PREP: variants seen among roughly 807,000 people sequenced by gnomAD.
PREP encodes prolyl endopeptidase, also known as dJ355L5.1 (prolyl endopeptidase).
PREP carries 29 observed loss-of-function variants against 87.6 expected under a neutral mutation model. That is an observed-to-expected ratio of 0.33 (90% CI 0.25 to 0.45). PREP has a LOEUF of 0.45. PREP is among the 20% of genes least tolerant of loss of function. The pLI is 1.00. For missense variants in PREP, 695 were observed against 886.5 expected (o/e 0.78, Z 2.74); for synonymous variants, 337 against 328.6 (o/e 1.03, Z -0.28).
At chr6:105,367,214 A>T (rs1772408333) in intron 6 of PREP, among the ~76,000 whole-genome samples, 1 of 152,162 alleles carries the variant, frequency 6.6e-6, no homozygotes, top group Non-Finnish European at 1.5e-5. Context: ...AGATGAAGGT[A>T]AAAAATGTAC....
chr6:105,292,150 C>T (rs916612100), intron 10 of PREP, among the ~76,000 whole-genome samples: 3 of 152,282 alleles, frequency 2.0e-5, no homozygotes, highest in Non-Finnish European at 4.4e-5. Flanking sequence ...TTCTGACCTC[C>T]TCCCATGAAT....
At chr6:105,338,850 G>A (rs750616041) in intron 7 of PREP, among the ~76,000 whole-genome samples, 6 of 152,214 alleles carry the variant, frequency 3.9e-5, no homozygotes, top group African/African-American at 7.2e-5. Context: ...AGGGGCATCC[G>A]CCATGGCTGA....
intron 7 of PREP, among the ~76,000 whole-genome samples, chr6:105,347,197 G>A (rs78823067): frequency 0.065 from 9,965 of 152,220 alleles, 332 homozygotes; most frequent in Middle Eastern, 0.092. Context: ...ACAGAAGAGA[G>A]AGGAAGTCTG....
Position 105,311,963 on chromosome 6 carries a change from T to C in PREP, c.1317+11702A>G, listed in dbSNP as rs140684631. The stretch of plus-strand genomic sequence containing the variant: ...TCCAAACACAATCAAATCTGCAGAT[T>C]CTTAAACAACATGCCATCCACAGTT... On this transcript the variant is annotated intron_variant, in intron 10 of 14. Transcript: ENST00000652536. Among the ~76,000 whole-genome samples the C allele has an allele frequency of 3.3e-3, 510 of 152,350 alleles. 2 individuals are homozygous for C. The highest frequency in any genetic ancestry group is 0.014 in the Middle Eastern group (4 of 294).
At chr6:105,321,025 C>T (rs1421016684) in intron 10 of PREP, among the ~76,000 whole-genome samples, 1 of 152,194 alleles carries the variant, frequency 6.6e-6, no homozygotes, top group African/African-American at 2.4e-5. Flanking sequence ...CACTGCACAA[C>T]AGATTTTAAG....
intron 7 of PREP, among the ~76,000 whole-genome samples, chr6:105,352,549 C>T (rs1193341383): frequency 6.6e-6 from 1 of 152,152 alleles, no homozygotes; most frequent in East Asian, 1.9e-4. Context: ...CAGGGTCTGG[C>T]TATGTTGCCC....
chr6:105,348,798 G>C (rs1771867386), intron 7 of PREP, among the ~76,000 whole-genome samples: 1 of 151,828 alleles, frequency 6.6e-6, no homozygotes, highest in South Asian at 2.1e-4. Flanking sequence ...AGAATTGCTT[G>C]AACTTGGGAG....
intron 7 of PREP, among the ~76,000 whole-genome samples, chr6:105,340,989 A>C (rs1235423036): frequency 6.6e-6 from 1 of 152,242 alleles, no homozygotes; most frequent in Non-Finnish European, 1.5e-5. Flanking sequence ...AACGAGACAG[A>C]AAGTTAACAA....
intron 8 of PREP, among the ~76,000 whole-genome samples, chr6:105,332,753 CA>C (rs769137861): frequency 1.3e-5 from 2 of 152,070 alleles, no homozygotes; most frequent in Non-Finnish European, 2.9e-5. Flanking sequence ...TAAAAGGGAA[CA>C]AAAAGGCTCT....
intron 7 of PREP, among the ~76,000 whole-genome samples, chr6:105,339,626 G>A (rs751737182): frequency 4.6e-5 from 7 of 152,104 alleles, no homozygotes; most frequent in Non-Finnish European, 1.0e-4. Context: ...TTGCAAAGAA[G>A]CTAAAAACCT....
intron 10 of PREP, among the ~76,000 whole-genome samples, chr6:105,296,022 C>G (rs58668323): frequency 0.095 from 14,447 of 152,194 alleles, 783 homozygotes; most frequent in Admixed American, 0.13. Context: ...ACTGCTAAAT[C>G]GAAGTATACG....
At chr6:105,336,998 A>C (rs1044148384) in intron 7 of PREP, among the ~76,000 whole-genome samples, 2 of 152,022 alleles carry the variant, frequency 1.3e-5, no homozygotes, top group African/African-American at 4.8e-5. Context: ...AGTTCTACTT[A>C]GTCATTTTCC....
intron 8 of PREP, 37 bp from the exon 9 acceptor site, chr6:105,329,063 TA>T (rs1771251284): frequency 6.4e-7 from 1 of 1,562,210 alleles, no homozygotes; most frequent in Non-Finnish European, 8.8e-7. Context: ...TAATGCAATT[TA>T]AAAAATTAAT....
chr6:105,281,609 G>T, intron 14 of PREP, 137 bp downstream of exon 14: 1 of 1,043,074 alleles, frequency 9.6e-7, no homozygotes, highest in Non-Finnish European at 1.4e-6. Flanking sequence ...CAAGTAGGTA[G>T]TCCCATCTCC....
At position 105,379,975 on chromosome 6, in the gene PREP, A is replaced by T. The variant is rs76338606; in HGVS notation, c.121-2456T>A. Among the ~76,000 whole-genome samples the T allele has an allele frequency of 6.9e-3, 1,055 of 152,360 alleles. 8 individuals carry two copies. Among genetic ancestry groups the T allele is most frequent in the Non-Finnish European group, 0.011 (762 of 68,040 alleles). On this transcript the variant is annotated intron_variant, in intron 2 of 14. Coordinates refer to ENST00000652536, the MANE Select transcript of PREP (RefSeq NM_002726.5). ...GGCCTGAACTGTTTGCTACCAGCCC[A>T]CAATGAGAAGAGTGCAGAAAACAAG...
chr6:105,383,781 T>TTCAGTAGTGCAGG (rs1404709997), intron 2 of PREP, among the ~76,000 whole-genome samples: 4 of 152,158 alleles, frequency 2.6e-5, no homozygotes, highest in African/African-American at 9.7e-5. Context: ...TTGTTCTCAA[T>TTCAGTAGTGCAGG]ACTCGTCATG....
intron 10 of PREP, among the ~76,000 whole-genome samples, chr6:105,301,464 T>C (rs529546657): frequency 1.3e-5 from 2 of 152,168 alleles, no homozygotes; most frequent in African/African-American, 2.4e-5. Flanking sequence ...TATGAAGAAC[T>C]TCCTAGGACT....
At chr6:105,377,333 A>C in intron 3 of PREP, 53 bp downstream of exon 3, 2 of 1,536,882 alleles carry the variant, frequency 1.3e-6, no homozygotes, top group Non-Finnish European at 1.8e-6. Flanking sequence ...TTTACAATTT[A>C]AGAAAGCATT....
intron 1 of PREP, among the ~76,000 whole-genome samples, chr6:105,402,449 A>ACAC (rs1562233112): frequency 7.9e-6 from 1 of 126,066 alleles, no homozygotes; most frequent in Admixed American, 7.5e-5. Context: ...CACACACACA[A>ACAC]ACACACACAC....
Sources: gnomAD v4.1 joint callset for allele counts (sites outside exome capture counted in the v4.1 genomes callset) on GRCh38, gnomAD v4.1.1 for gene constraint, MANE v1.5 for transcripts, NCBI Gene and HGNC (gene_info 2026-07-23, HGNC 2026-07-21) for gene names.